The following CDH10 variants were observed in gnomAD, a reference collection of about 807,000 sequenced individuals.
CDH10 encodes cadherin 10.
In CDH10, 30 loss-of-function variants were observed where a neutral mutation model predicts 73.1. That is an observed-to-expected ratio of 0.41 (90% CI 0.31 to 0.56). CDH10 has a LOEUF of 0.56. CDH10 is among the 20% of genes least tolerant of loss of function. The pLI is 0.27. For synonymous variants in CDH10, 345 were observed against 348.2 expected, an observed-to-expected ratio of 0.99 and a Z score of 0.10; for missense variants, 815 against 973.7, an observed-to-expected ratio of 0.84 and a Z score of 2.17.
At chr5:24,517,035 T>C (rs1378717910) in intron 5 of CDH10, among the ~76,000 whole-genome samples, 7 of 152,122 alleles carry the variant, frequency 4.6e-5, no homozygotes, top group Non-Finnish European at 4.4e-5. Flanking sequence ...ACATGTTAAT[T>C]GACTTTCATT....
At chr5:24,520,406 A>C (rs1161758053) in intron 5 of CDH10, among the ~76,000 whole-genome samples, 1 of 152,196 alleles carries the variant, frequency 6.6e-6, no homozygotes, top group Non-Finnish European at 1.5e-5. Flanking sequence ...CTATCTTTAT[A>C]AACCTCAAAC....
intron 2 of CDH10, among the ~76,000 whole-genome samples, chr5:24,562,473 C>T (rs1244182885): frequency 6.6e-6 from 1 of 151,898 alleles, no homozygotes; most frequent in Non-Finnish European, 1.5e-5. Flanking sequence ...AAATGATTTT[C>T]CTATAATCAT....
At chr5:24,576,068 A>G (rs771759731) in intron 2 of CDH10, among the ~76,000 whole-genome samples, 1 of 152,268 alleles carries the variant, frequency 6.6e-6, no homozygotes, top group East Asian at 1.9e-4. Flanking sequence ...ACCTGCCAAT[A>G]ACATTTTTAT....
chr5:24,595,649 T>A (rs775303974), intron 1 of CDH10, among the ~76,000 whole-genome samples: 2 of 151,958 alleles, frequency 1.3e-5, no homozygotes, highest in Admixed American at 6.6e-5. Context: ...AAATGTACTC[T>A]ATTCCCAAGA....
At chr5:24,489,259 T>C (rs1022000659) in intron 11 of CDH10, among the ~76,000 whole-genome samples, 4 of 152,128 alleles carry the variant, frequency 2.6e-5, no homozygotes, top group Non-Finnish European at 5.9e-5. Flanking sequence ...GAAGGGATAT[T>C]AAGTTATGTT....
chr5:24,542,746 T>C (rs1243901633), intron 2 of CDH10, among the ~76,000 whole-genome samples: 1 of 152,124 alleles, frequency 6.6e-6, no homozygotes, highest in Admixed American at 6.6e-5. Flanking sequence ...CAATGTCTGG[T>C]AAGGGCCCTC....
intron 1 of CDH10, among the ~76,000 whole-genome samples, chr5:24,619,817 G>A (rs907582057): frequency 2.0e-5 from 3 of 152,124 alleles, no homozygotes; most frequent in African/African-American, 4.8e-5. Flanking sequence ...CCACTACTAC[G>A]TGTGGTCACA....
intron 2 of CDH10, among the ~76,000 whole-genome samples, chr5:24,544,757 A>G (rs1744283042): frequency 1.3e-5 from 2 of 152,218 alleles, no homozygotes; most frequent in Admixed American, 6.5e-5. Flanking sequence ...ACAAGAGATC[A>G]GACTTCTTCA....
At chr5:24,626,356 A>G (rs1747499306) in intron 1 of CDH10, among the ~76,000 whole-genome samples, 1 of 152,136 alleles carries the variant, frequency 6.6e-6, no homozygotes, top group Admixed American at 6.5e-5. Context: ...AAACTGATAA[A>G]ATATATAGTA....
intron 5 of CDH10, among the ~76,000 whole-genome samples, chr5:24,533,551 T>C (rs968575529): frequency 3.3e-5 from 5 of 152,078 alleles, no homozygotes; most frequent in Non-Finnish European, 7.4e-5. Context: ...GGAAATTTAT[T>C]ACTGATAAAA....
chr5:24,555,311 C>G (rs1032382822), intron 2 of CDH10, among the ~76,000 whole-genome samples: 3 of 151,966 alleles, frequency 2.0e-5, no homozygotes, highest in Admixed American at 2.0e-4. Flanking sequence ...TCCTTACAAG[C>G]CTGACCATTA....
At chr5:24,643,191 T>G (rs12518381) in intron 1 of CDH10, among the ~76,000 whole-genome samples, 72,633 of 151,772 alleles carry the variant, frequency 0.48, 20,716 homozygotes, top group Non-Finnish European at 0.63. Flanking sequence ...GGGAGCGGGG[T>G]GCAGATTATC....
At chr5:24,574,309 G>T (rs2112033630) in intron 2 of CDH10, among the ~76,000 whole-genome samples, 1 of 152,164 alleles carries the variant, frequency 6.6e-6, no homozygotes, top group African/African-American at 2.4e-5. Context: ...ATCAGTGATT[G>T]ATCACTGCGT....
intron 5 of CDH10, among the ~76,000 whole-genome samples, chr5:24,523,284 T>G (rs1189671205): frequency 6.6e-6 from 1 of 152,122 alleles, no homozygotes; most frequent in Non-Finnish European, 1.5e-5. Context: ...GTAATAAAGT[T>G]GTTATCTGTG....
At chr5:24,582,989 A>G (rs1470333679) in intron 2 of CDH10, among the ~76,000 whole-genome samples, 4 of 152,138 alleles carry the variant, frequency 2.6e-5, no homozygotes. Flanking sequence ...CAGGGTTTCT[A>G]CTTGTAGTCA....
At chr5:24,507,200 T>A (rs72749743) in intron 7 of CDH10, among the ~76,000 whole-genome samples, 16,966 of 151,962 alleles carry the variant, frequency 0.11, 1,204 homozygotes, top group Admixed American at 0.18. Context: ...TTATATTTTT[T>A]AAATATATAT....
chr5:24,502,804 A>G (rs1485298627), intron 8 of CDH10, among the ~76,000 whole-genome samples: 1 of 152,166 alleles, frequency 6.6e-6, no homozygotes, highest in African/African-American at 2.4e-5. Context: ...TTCTGAAATG[A>G]CCAGATTGGA....
At chr5:24,620,203 GT>G (rs1747265425) in intron 1 of CDH10, among the ~76,000 whole-genome samples, 1 of 152,076 alleles carries the variant, frequency 6.6e-6, no homozygotes, top group Non-Finnish European at 1.5e-5. Context: ...CACATCAATA[GT>G]TTTTCTAAAG....
At chr5:24,569,033 A>G (rs1318178619) in intron 2 of CDH10, among the ~76,000 whole-genome samples, 3 of 151,858 alleles carry the variant, frequency 2.0e-5, no homozygotes, top group African/African-American at 7.3e-5. Context: ...TGGCATGAAC[A>G]CAAGAGGCGG....
Sources: allele counts gnomAD v4.1 joint callset (sites outside exome capture counted in the v4.1 genomes callset), GRCh38; gene constraint gnomAD v4.1.1; transcripts MANE v1.5; gene names NCBI Gene and HGNC (gene_info 2026-07-23, HGNC 2026-07-21).